The following KLF12 variants were observed in gnomAD, a reference collection of about 807,000 sequenced individuals.
KLF12 encodes the protein KLF transcription factor 12.
A neutral mutation model predicts 37.8 loss-of-function variants in KLF12; 9 were observed. That is an observed-to-expected ratio of 0.24 (90% CI 0.14 to 0.42). KLF12 has a LOEUF of 0.42. KLF12 is among the 10% of genes least tolerant of loss of function. The pLI, the probability that KLF12 is intolerant of heterozygous loss-of-function variation, is 1.00. For synonymous variants in KLF12, 208 were observed against 202.1 expected (o/e 1.03, Z -0.25); for missense variants, 411 against 516.0 (o/e 0.80, Z 1.97).
chr13:74,256,923 G>A, the KLF12 span: 7 of 151,552 alleles, frequency 4.6e-5, no homozygotes, highest in East Asian at 1.4e-3. Flanking sequence ...ACTTTTTTTT[G>A]TTGTTGCAGT....
At chr13:73,728,484 T>C (rs189298178) in intron 6 of KLF12, among the ~76,000 whole-genome samples, 1 of 152,242 alleles carries the variant, frequency 6.6e-6, no homozygotes, top group Non-Finnish European at 1.5e-5. Context: ...GTGAAAGTCC[T>C]GTATGGACAT....
chr13:74,196,831 T>C, the KLF12 span, among the ~76,000 whole-genome samples: 3 of 152,196 alleles, frequency 2.0e-5, no homozygotes, highest in Non-Finnish European at 2.9e-5. Flanking sequence ...TAAAAGATAC[T>C]GTAGGATATA....
chr13:73,851,499 T>G (rs1885332820), intron 3 of KLF12, among the ~76,000 whole-genome samples: 1 of 152,212 alleles, frequency 6.6e-6, no homozygotes, highest in Non-Finnish European at 1.5e-5. Flanking sequence ...GTTGATGGAA[T>G]ACATTTTAAC....
intron 2 of KLF12, among the ~76,000 whole-genome samples, chr13:73,987,726 A>G (rs1426132006): frequency 1.4e-5 from 2 of 139,282 alleles, no homozygotes; most frequent in Non-Finnish European, 3.1e-5. Flanking sequence ...GGGGGGGTAG[A>G]GGAAGTGGGA....
intron 2 of KLF12, among the ~76,000 whole-genome samples, chr13:73,944,330 T>A (rs2139370570): frequency 6.6e-6 from 1 of 152,192 alleles, no homozygotes; most frequent in Middle Eastern, 3.4e-3. Flanking sequence ...TAAACTGGAG[T>A]ATGGAAACCT....
the KLF12 span, among the ~76,000 whole-genome samples, chr13:74,217,347 G>C: frequency 6.7e-6 from 1 of 149,730 alleles, no homozygotes; most frequent in African/African-American, 2.5e-5. Flanking sequence ...CTTCTCTACA[G>C]ACACTACTGG....
At chr13:74,062,374 C>T (rs1375955504) in intron 1 of KLF12, among the ~76,000 whole-genome samples, 1 of 152,140 alleles carries the variant, frequency 6.6e-6, no homozygotes, top group African/African-American at 2.4e-5. Flanking sequence ...AAGCTGTGTA[C>T]ACTTTTAGAT....
chr13:74,132,302 G>A (rs1317748779), intron 1 of KLF12, among the ~76,000 whole-genome samples: 1 of 152,068 alleles, frequency 6.6e-6, no homozygotes, highest in Non-Finnish European at 1.5e-5. Flanking sequence ...CTATCGTCCA[G>A]TAAGAAAAGG....
intron 3 of KLF12, among the ~76,000 whole-genome samples, chr13:73,852,444 A>C (rs1177182215): frequency 6.6e-6 from 1 of 152,188 alleles, no homozygotes; most frequent in Non-Finnish European, 1.5e-5. Flanking sequence ...ATAAATATTT[A>C]ATTCAACTGC....
the KLF12 span, among the ~76,000 whole-genome samples, chr13:74,163,373 A>G: frequency 2.0e-5 from 3 of 152,246 alleles, no homozygotes; most frequent in African/African-American, 7.2e-5. Flanking sequence ...TGTGATATAT[A>G]TACACAATGA....
At chr13:74,037,947 T>C (rs1028789049) in intron 1 of KLF12, among the ~76,000 whole-genome samples, 1 of 152,130 alleles carries the variant, frequency 6.6e-6, no homozygotes, top group Non-Finnish European at 1.5e-5. Flanking sequence ...CAGGGTTAGC[T>C]ACAAAACAGT....
At chr13:73,909,461 C>G (rs1207661105) in intron 3 of KLF12, among the ~76,000 whole-genome samples, 4 of 152,186 alleles carry the variant, frequency 2.6e-5, no homozygotes, top group Non-Finnish European at 5.9e-5. Context: ...TGTCTTTTCA[C>G]ATATATGCCT....
At chr13:73,702,498 A>G (rs1004857192) in intron 7 of KLF12, among the ~76,000 whole-genome samples, 3 of 152,232 alleles carry the variant, frequency 2.0e-5, no homozygotes, top group Non-Finnish European at 4.4e-5. Context: ...AGCAACGCAC[A>G]TAAGAGGAAT....
chr13:73,735,434 G>A (rs901863719), intron 6 of KLF12, among the ~76,000 whole-genome samples: 4 of 152,138 alleles, frequency 2.6e-5, no homozygotes, highest in African/African-American at 4.8e-5. Flanking sequence ...GAGGGATTTC[G>A]AGGAAGATGT....
chr13:74,178,374 G>GA, the KLF12 span, among the ~76,000 whole-genome samples: 1 of 152,184 alleles, frequency 6.6e-6, no homozygotes, highest in Non-Finnish European at 1.5e-5. Flanking sequence ...TGCCTTAAAA[G>GA]AAATGGGTTC....
chr13:74,149,202 A>G, the KLF12 span, among the ~76,000 whole-genome samples: 1 of 152,198 alleles, frequency 6.6e-6, no homozygotes, highest in African/African-American at 2.4e-5. Flanking sequence ...ATATGCTGAC[A>G]ACTCTCAAAT....
upstream of KLF12, among the ~76,000 whole-genome samples, chr13:74,134,844 C>T (rs1878480231): frequency 6.6e-6 from 1 of 151,962 alleles, no homozygotes; most frequent in Non-Finnish European, 1.5e-5. Context: ...CCTCGCCGCA[C>T]CCGCCCGGGT....
the KLF12 span, among the ~76,000 whole-genome samples, chr13:74,142,221 C>T: frequency 6.6e-6 from 1 of 152,176 alleles, no homozygotes; most frequent in Non-Finnish European, 1.5e-5. Flanking sequence ...TATGGCTTAT[C>T]CTTCCACTCC....
intron 1 of KLF12, among the ~76,000 whole-genome samples, chr13:74,099,464 A>G (rs1236702506): frequency 1.3e-5 from 2 of 152,174 alleles, no homozygotes; most frequent in Non-Finnish European, 2.9e-5. Context: ...TCACCCTCCA[A>G]CCACGAGAAG....
Sources: allele counts gnomAD v4.1 joint callset (sites outside exome capture counted in the v4.1 genomes callset), GRCh38; gene constraint gnomAD v4.1.1; transcripts MANE v1.5; gene names NCBI Gene and HGNC (gene_info 2026-07-23, HGNC 2026-07-21).